ARHGAP6: variants seen among roughly 807,000 people sequenced by gnomAD.
The protein encoded by ARHGAP6 is rho GTPase-activating protein 6.
In ARHGAP6, 16 loss-of-function variants were observed where a neutral mutation model predicts 55.7. That is an observed-to-expected ratio of 0.29 (90% confidence interval 0.19 to 0.44). The LOEUF is 0.44. Ranked by LOEUF, ARHGAP6 falls within the 20% of genes least tolerant of loss-of-function variation. ARHGAP6 has a pLI of 1.00. For missense variants in ARHGAP6, 698 were observed against 808.9 expected (o/e 0.86, Z 1.66); for synonymous variants, 382 against 360.9 (o/e 1.06, Z -0.66).
At chrX:11,372,771 C>CAAAAAAAAAAAAAAAAAA (rs1171647934) in intron 1 of ARHGAP6, among the ~76,000 whole-genome samples, 2 of 14,357 alleles carry the variant, frequency 1.4e-4, no homozygotes, top group African/African-American at 5.7e-4. Context: ...GACTCCATCT[C>CAAAAAAAAAAAAAAAAAA]AAAAAAAAAA....
chrX:11,290,490 C>CAAAAAA (rs746332445), intron 1 of ARHGAP6: 2 of 178,217 alleles, frequency 1.1e-5, no homozygotes, highest in Non-Finnish European at 9.5e-6. Flanking sequence ...TCTACCCCAG[C>CAAAAAA]AAAAAAAAAA....
intron 1 of ARHGAP6, among the ~76,000 whole-genome samples, chrX:11,274,310 G>A (rs2047730460): frequency 8.9e-6 from 1 of 111,880 alleles, no homozygotes; most frequent in Non-Finnish European, 1.9e-5. Flanking sequence ...GGTCAGCAAA[G>A]GACAGCCTAA....
chrX:11,564,647 G>A (rs1006568947), intron 1 of ARHGAP6, among the ~76,000 whole-genome samples: 7 of 111,609 alleles, frequency 6.3e-5, no homozygotes, highest in South Asian at 7.6e-4. Context: ...AGCATTCTAC[G>A]AGGAATAAAC....
At chrX:11,259,001 T>G (rs1449255392) in intron 1 of ARHGAP6, among the ~76,000 whole-genome samples, 1 of 111,847 alleles carries the variant, frequency 8.9e-6, no homozygotes, top group Non-Finnish European at 1.9e-5. Context: ...AATTCCACTC[T>G]TTAAGTTATT....
chrX:11,383,314 C>T (rs1308478827), intron 1 of ARHGAP6, among the ~76,000 whole-genome samples: 3 of 111,099 alleles, frequency 2.7e-5, no homozygotes, highest in Non-Finnish European at 5.7e-5. Context: ...ACTCAGGATC[C>T]CAAATGAGGG....
At chrX:11,330,247 A>G (rs1011405497) in intron 1 of ARHGAP6, among the ~76,000 whole-genome samples, 1 of 112,721 alleles carries the variant, frequency 8.9e-6, no homozygotes, top group Non-Finnish European at 1.9e-5. Context: ...AGCATGTTGA[A>G]TATAGCTAAT....
chrX:11,208,119 A>AT (rs771522750), intron 2 of ARHGAP6, among the ~76,000 whole-genome samples: 1 of 111,802 alleles, frequency 8.9e-6, no homozygotes, highest in Admixed American at 9.5e-5. Context: ...AGAAACAGGG[A>AT]TAAAAAATAT....
intron 1 of ARHGAP6, among the ~76,000 whole-genome samples, chrX:11,620,563 T>G (rs1399403511): frequency 1.8e-5 from 2 of 112,487 alleles, no homozygotes; most frequent in African/African-American, 6.5e-5. Flanking sequence ...GTCCTCTACT[T>G]ACTATGAAAG....
intron 2 of ARHGAP6, among the ~76,000 whole-genome samples, chrX:11,198,797 C>A (rs1002121888): frequency 8.9e-6 from 1 of 111,921 alleles, no homozygotes; most frequent in Non-Finnish European, 1.9e-5. Flanking sequence ...AAGTAATAAT[C>A]GTAAGTCCAA....
intron 2 of ARHGAP6, among the ~76,000 whole-genome samples, chrX:11,244,795 G>GCTCCAA (rs2047331600): frequency 1.8e-5 from 2 of 112,164 alleles, no homozygotes; most frequent in African/African-American, 6.5e-5. Flanking sequence ...AAAGTCTTGT[G>GCTCCAA]CAATAGTGGT....
intron 1 of ARHGAP6, among the ~76,000 whole-genome samples, chrX:11,454,573 T>C (rs1002376716): frequency 8.9e-6 from 1 of 112,086 alleles, no homozygotes; most frequent in Non-Finnish European, 1.9e-5. Flanking sequence ...TGGAGTTGTA[T>C]TGGCAAGAAT....
chrX:11,634,679 T>G (rs911701898), intron 1 of ARHGAP6, among the ~76,000 whole-genome samples: 1 of 112,350 alleles, frequency 8.9e-6, no homozygotes, highest in Non-Finnish European at 1.9e-5. Flanking sequence ...TAATTTTTAA[T>G]GACACAGGAG....
rs73498791 is a variant in ARHGAP6, at chrX:11,388,902, T to G, written c.589-134195A>C. ...TCCAGTGTACCATTGGTCTTCACAC[T>G]GAAAACAATTCACTCAGCCACAAAA... On this transcript the variant is annotated intron_variant, in intron 1 of 12. Transcript: ENST00000337414. Among the ~76,000 whole-genome samples the G allele has an allele frequency of 6.9e-3, 768 of 112,090 alleles. 5 individuals are homozygous for G. Among genetic ancestry groups the G allele is most frequent in the African/African-American group, 0.024 (731 of 30,908 alleles).
intron 2 of ARHGAP6, among the ~76,000 whole-genome samples, chrX:11,228,538 T>A (rs2047086517): frequency 8.9e-6 from 1 of 111,824 alleles, no homozygotes; most frequent in Non-Finnish European, 1.9e-5. Flanking sequence ...ATGAAAGCCC[T>A]CTTTTTGGTG....
At chrX:11,160,718 G>A (rs1451641353) in intron 9 of ARHGAP6, among the ~76,000 whole-genome samples, 2 of 111,668 alleles carry the variant, frequency 1.8e-5, no homozygotes, top group East Asian at 5.6e-4. Context: ...CATTCAACTA[G>A]GCGAGCAATC....
chrX:11,457,611 T>C (rs1472138033), intron 1 of ARHGAP6, among the ~76,000 whole-genome samples: 2 of 111,729 alleles, frequency 1.8e-5, no homozygotes, highest in African/African-American at 3.3e-5. Context: ...TGCCTTTCAA[T>C]AGAGGTCAGC....
chrX:11,645,511 T>A (rs1385158306), intron 1 of ARHGAP6, among the ~76,000 whole-genome samples: 2 of 111,783 alleles, frequency 1.8e-5, no homozygotes, highest in African/African-American at 3.2e-5. Flanking sequence ...ACAGTTTACA[T>A]GGAAAATGGT....
At chrX:11,360,755 A>G (rs1335490874) in intron 1 of ARHGAP6, among the ~76,000 whole-genome samples, 6 of 110,972 alleles carry the variant, frequency 5.4e-5, no homozygotes, top group Non-Finnish European at 1.1e-4. Flanking sequence ...TATCTAGAAA[A>G]CCCCATTGTC....
intron 1 of ARHGAP6, among the ~76,000 whole-genome samples, chrX:11,436,896 G>C (rs966466438): frequency 4.9e-5 from 5 of 102,350 alleles, no homozygotes; most frequent in Admixed American, 1.1e-4. Flanking sequence ...AGTTGAGGGG[G>C]GGATAGCTAA....
Sources: allele counts gnomAD v4.1 joint callset (sites outside exome capture counted in the v4.1 genomes callset), GRCh38; gene constraint gnomAD v4.1.1; transcripts MANE v1.5; gene names NCBI Gene and HGNC (gene_info 2026-07-23, HGNC 2026-07-21).